Variants in MPRIP observed in about 807,000 individuals in gnomAD.
The protein encoded by MPRIP is myosin phosphatase Rho-interacting protein.
Under a neutral mutation model 234.9 loss-of-function variants are expected in MPRIP, and 59 were observed. That is an observed-to-expected ratio of 0.25 (90% CI 0.20 to 0.31). MPRIP has a LOEUF of 0.31. Ranked by LOEUF, MPRIP falls within the 10% of genes least tolerant of loss-of-function variation. The probability of loss-of-function intolerance (pLI) is 1.00; values close to 1 mark genes in which losing one functional copy is unlikely to be tolerated. For synonymous variants in MPRIP, 1,144 were observed against 1,263.9 expected, an observed-to-expected ratio of 0.91 and a Z score of 2.01; for missense variants, 2,436 against 3,071.0, an observed-to-expected ratio of 0.79 and a Z score of 4.89.
At chr17:17,122,874 G>A (rs779972393) in intron 3 of MPRIP, among the ~76,000 whole-genome samples, 28 of 152,256 alleles carry the variant, frequency 1.8e-4, no homozygotes, top group African/African-American at 3.9e-4. Context: ...CTGCTCCTAG[G>A]TACACACCCA....
At chr17:17,110,264 C>A (rs1487233060) in intron 3 of MPRIP, among the ~76,000 whole-genome samples, 4 of 152,112 alleles carry the variant, frequency 2.6e-5, no homozygotes, top group Non-Finnish European at 5.9e-5. Flanking sequence ...GATGAGATCC[C>A]CAATCTTGAA....
chr17:17,138,025 G>T lies in MPRIP; in HGVS notation c.846G>T (p.Gln282His), dbSNP rs146791467. 1 of 1,609,280 alleles carries T rather than the reference G, an allele frequency of 6.2e-7. No homozygotes were observed. The highest frequency in any genetic ancestry group is 8.5e-7 in the Non-Finnish European group (1 of 1,177,892). ...AACAGGACTTGAAGGCTGAAGAACA[G>T]CAGCTGCCCCCGCCGCTCTCCCCTC... ...KTKQDLKAEE[Q>H]QLPPPLSPPS... The change falls in exon 7 of 24, where the codon CAG becomes CAT. Residue 282 changes from glutamine to histidine, a missense_variant. This residue lies in a region of MPRIP where 267 missense variants were observed against 252.7 expected (regional missense o/e 1.06). Transcript: ENST00000651222. The surrounding 1 kb of genome is among the most constrained non-coding windows in gnomAD (Gnocchi z 5.8).
At chr17:17,105,724 G>T (rs2090050867) in intron 3 of MPRIP, among the ~76,000 whole-genome samples, 1 of 152,210 alleles carries the variant, frequency 6.6e-6, no homozygotes, top group Non-Finnish European at 1.5e-5. Flanking sequence ...GTGACTCCAG[G>T]ACTATGGGAA....
At chr17:17,177,530 A>G in intron 22 of MPRIP, 118 bp downstream of exon 22, 1 of 1,141,098 alleles carries the variant, frequency 8.8e-7, no homozygotes. Context: ...TTGTAGACCC[A>G]GGCATCCCAG....
At chr17:17,174,932 A>G (rs577495503) in intron 19 of MPRIP, among the ~76,000 whole-genome samples, 8 of 152,260 alleles carry the variant, frequency 5.3e-5, no homozygotes, top group Admixed American at 1.3e-4. Flanking sequence ...ACAGCCCTCT[A>G]TGACCCTGCC....
chr17:17,112,730 G>C (rs1055444634), intron 3 of MPRIP, among the ~76,000 whole-genome samples: 1 of 152,258 alleles, frequency 6.6e-6, no homozygotes, highest in Non-Finnish European at 1.5e-5. Flanking sequence ...CTGCAACTGG[G>C]CTGTGGGTTG....
At chr17:17,140,458 C>T (rs1178604991) in intron 7 of MPRIP, among the ~76,000 whole-genome samples, 1 of 152,186 alleles carries the variant, frequency 6.6e-6, no homozygotes, top group Non-Finnish European at 1.5e-5. Context: ...ATCTGATTGG[C>T]TGCTGTCGCT....
chr17:17,067,818 A>G lies in MPRIP; in HGVS notation c.124-7892A>G, dbSNP rs1217377136. ...TTTTTTTTTTTTTTTTTTTTTTAACAATTATATAGAATTAGTGTCAGTTCC... is the reference window on the plus strand; with the variant it reads ...TTTTTTTTTTTTTTTTTTTTTTAACGATTATATAGAATTAGTGTCAGTTCC... On this transcript the variant is annotated intron_variant, in intron 1 of 23. Transcript: ENST00000651222. Among the ~76,000 whole-genome samples, 4 of 124,304 alleles carry G rather than the reference A, an allele frequency of 3.2e-5. No individual in the cohort carries two copies. The Admixed American group carries it at 3.6e-4, about 11-fold the overall frequency. The allele number at this position is 124,304 out of a possible 152,430, so 81.5% of individuals were successfully genotyped here.
intron 5 of MPRIP, among the ~76,000 whole-genome samples, chr17:17,133,464 G>A (rs2090635969): frequency 6.6e-6 from 1 of 152,172 alleles, no homozygotes; most frequent in South Asian, 2.1e-4. Context: ...TGATGCTAAA[G>A]GCATTCTCAT....
intron 9 of MPRIP, 46 bp downstream of exon 9, chr17:17,143,715 C>G: frequency 7.5e-7 from 1 of 1,328,420 alleles, no homozygotes; most frequent in Admixed American, 1.9e-5. Context: ...TCCTCTGCTT[C>G]TGGTCACTCT....
rs2088222124 is a variant in MPRIP, at chr17:17,042,908, C to T, written c.60C>T (p.Ser20=). The change falls in exon 1 of 24, where the codon AGC becomes AGT. Residue 20 remains serine, a synonymous_variant. Transcript: ENST00000651222. The stretch of plus-strand genomic sequence containing the variant: ...TCCAGGCCAACATCTTCAACAAGAG[C>T]AAGTGTCAGAACTGCTTCAAGCCCC... The part of the protein sequence containing the change: ...RKFQANIFNK[S]KCQNCFKPRE... 1 of 1,610,376 alleles carries T rather than the reference C, an allele frequency of 6.2e-7. No homozygotes were observed.
chr17:17,043,467 G>A (rs1180356692), intron 1 of MPRIP, among the ~76,000 whole-genome samples: 1 of 152,168 alleles, frequency 6.6e-6, no homozygotes. Context: ...GGCGAGGAGG[G>A]TCTTGTTCTT....
intron 11 of MPRIP, among the ~76,000 whole-genome samples, chr17:17,149,319 C>G (rs1034634050): frequency 6.6e-6 from 1 of 152,058 alleles, no homozygotes; most frequent in East Asian, 1.9e-4. Context: ...ATGGTGAAAC[C>G]CTGTCTCTAC....
At chr17:17,128,886 T>G (rs970624793) in intron 4 of MPRIP, among the ~76,000 whole-genome samples, 2 of 152,172 alleles carry the variant, frequency 1.3e-5, no homozygotes, top group African/African-American at 4.8e-5. Context: ...TCCCTCTGTT[T>G]CCCATTATAA....
At position 17,086,419 on chromosome 17, in the gene MPRIP, T is replaced by C. The variant is rs1266633425; in HGVS notation, c.267+8343T>C. 3.3e-5 allele frequency among the ~76,000 whole-genome samples: 5 copies of C among 152,348 alleles called. No homozygotes were observed. The East Asian group carries it at 5.8e-4, about 18-fold the overall frequency. ...TTGAGATGTTGCCTATTTGTAACAA[T>C]GAATTCCTTAATGAAGGAAGGTAGA... is the stretch of plus-strand genomic sequence containing the variant. On this transcript the variant is annotated intron_variant, in intron 3 of 23. Transcript: ENST00000651222.
At position 17,165,994 on chromosome 17, in the gene MPRIP, TC is replaced by T; in HGVS notation, c.4405del (p.Gln1469ArgfsTer8). The T allele has an allele frequency of 7.7e-7, 1 of 1,304,236 alleles. No homozygotes were observed. Among genetic ancestry groups the T allele is most frequent in the Non-Finnish European group, 1.0e-6 (1 of 988,942 alleles). The allele number at this position is 1,304,236 out of a possible 1,614,324, so 80.8% of individuals were successfully genotyped here. A position where few individuals can be genotyped will look rare whatever the true frequency, so the allele number is the denominator to read the frequency against. ...VEGHVGELGD[F>X]QVKNSQALMC... ...GGGCATGTTGGAGAGCTTGGGGACT[TC>T]CAGGTCAAGAATAGTCAGGCCCTGA... is the stretch of plus-strand genomic sequence containing the variant. On this transcript the variant is annotated frameshift_variant, in exon 16 of 24. Transcript: ENST00000651222. LOFTEE classifies it high-confidence loss of function.
At chr17:17,099,838 G>A (rs1339002476) in intron 3 of MPRIP, among the ~76,000 whole-genome samples, 1 of 152,214 alleles carries the variant, frequency 6.6e-6, no homozygotes, top group Non-Finnish European at 1.5e-5. Context: ...ATGGTCTGCT[G>A]TCCCAAGTGT....
At chr17:17,068,537 T>G in intron 1 of MPRIP, among the ~76,000 whole-genome samples, 1 of 151,880 alleles carries the variant, frequency 6.6e-6, no homozygotes, top group South Asian at 2.1e-4. Context: ...ATCTTTTTTT[T>G]TTTTTCTTTT....
rs2046581291 is a variant in MPRIP at position 17,191,275 on chromosome 17, G to A, written c.*6381G>A. ...CCAGACTTCTGCACAGTAATTTAAC[G>A]CTATCCTAGGGAGACTTGGTTGAAG... On this transcript the variant is annotated 3_prime_UTR_variant, in exon 24 of 24. Coordinates refer to ENST00000651222, the MANE Select transcript of MPRIP (RefSeq NM_001364716.4). 1 of 152,160 alleles carries A rather than the reference G, an allele frequency of 6.6e-6. No individual in the cohort carries two copies. The highest frequency in any genetic ancestry group is 2.1e-4 in the South Asian group (1 of 4,824). 9.4% of individuals were successfully genotyped at this position (152,160 alleles called of 1,614,324 possible). A position where few individuals can be genotyped will look rare whatever the true frequency, so the allele number is the denominator to read the frequency against.
Sources: gnomAD v4.1 joint callset for allele counts (sites outside exome capture counted in the v4.1 genomes callset) on GRCh38, gnomAD v4.1.1 for gene constraint, gnomAD v4.1.1 regional missense constraint, Gnocchi (gnomAD v3.1) non-coding constraint, MANE v1.5 for transcripts, NCBI Gene and HGNC (gene_info 2026-07-23, HGNC 2026-07-21) for gene names.